SMAD9: variants seen among roughly 807,000 people sequenced by gnomAD.
The protein encoded by SMAD9 is MAD homolog 9.
A neutral mutation model predicts 46.1 loss-of-function variants in SMAD9; 36 were observed. The ratio of observed to expected loss-of-function variants is 0.78; its 90% confidence interval spans 0.60 to 1.03. The LOEUF is 1.03. Ranked by LOEUF, SMAD9 falls within the 50% of genes least tolerant of loss-of-function variation. The pLI, the probability that SMAD9 is intolerant of heterozygous loss-of-function variation, is 0.00. For synonymous variants in SMAD9, 245 were observed against 237.1 expected, an observed-to-expected ratio of 1.03 and a Z score of -0.31; for missense variants, 572 against 599.8, an observed-to-expected ratio of 0.95 and a Z score of 0.48.
intron 1 of SMAD9, among the ~76,000 whole-genome samples, chr13:36,900,216 G>A (rs2058562627): frequency 6.6e-6 from 1 of 152,152 alleles, no homozygotes; most frequent in African/African-American, 2.4e-5. Flanking sequence ...ACACATGGCT[G>A]CTGCCCTCAT....
rs542803204 is a variant in SMAD9 at position 36,916,969 on chromosome 13, C to T, written c.-187+3147G>A. On this transcript the variant is annotated intron_variant, in intron 1 of 6. Transcript: ENST00000379826. ...CTAGCATTTGCTATTTTAACTGCAG[C>T]ATAAAATAGGGAAAGACCGGGAAGA... Among the ~76,000 whole-genome samples the T allele has an allele frequency of 2.0e-5, 3 of 152,038 alleles. No homozygotes were observed. In the East Asian group the frequency reaches 5.8e-4, roughly 29 times the overall value.
At chr13:36,867,800 C>T (rs1324743671) in intron 3 of SMAD9, among the ~76,000 whole-genome samples, 1 of 152,102 alleles carries the variant, frequency 6.6e-6, no homozygotes, top group Non-Finnish European at 1.5e-5. Flanking sequence ...ACAATGGCCA[C>T]GGGGACGCTC....
At position 36,879,221 on chromosome 13, in the gene SMAD9, A is replaced by G. The variant is rs1360073747; in HGVS notation, c.412+57T>C. On this transcript the variant is annotated intron_variant, in intron 2 of 6. Coordinates refer to ENST00000379826, the MANE Select transcript of SMAD9 (RefSeq NM_001127217.3). ...GCTGGTGCCCCATCATTCTCCATCA[A>G]TGGGGCACACGACCTTCACTCTGAA... 14 of 1,459,678 alleles carry G rather than the reference A, an allele frequency of 9.6e-6. No individual in the cohort carries two copies. In the South Asian group the frequency reaches 1.1e-4, roughly 12 times the overall value. The allele number at this position is 1,459,678 out of a possible 1,614,324, so 90.4% of individuals were successfully genotyped here. A position where few individuals can be genotyped will look rare whatever the true frequency, so the allele number is the denominator to read the frequency against.
chr13:36,872,916 C>T lies in SMAD9; in HGVS notation c.413-1G>A, dbSNP rs753619705. 1.2e-6 allele frequency: 2 copies of T among 1,613,970 alleles called. No individual in the cohort carries two copies. The highest frequency in any genetic ancestry group is 2.7e-5 in the African/African-American group (2 of 74,920). ...CTTGGCACGAGCACAGGAGGCAGTA[C>T]TAGGATCAGAAAGGAACAAGGCAGT... On this transcript the variant is annotated splice_acceptor_variant, in intron 2 of 6. Transcript: ENST00000379826. LOFTEE classifies it high-confidence loss of function.
chr13:36,906,450 A>G (rs1054436707), intron 1 of SMAD9, among the ~76,000 whole-genome samples: 2 of 152,172 alleles, frequency 1.3e-5, no homozygotes, highest in African/African-American at 4.8e-5. Context: ...CATACTTCTG[A>G]TAAGGGATAC....
chr13:36,890,781 C>CT (rs2058482988), intron 1 of SMAD9, among the ~76,000 whole-genome samples: 1 of 151,980 alleles, frequency 6.6e-6, no homozygotes, highest in Admixed American at 6.6e-5. Flanking sequence ...CTCGTACCCT[C>CT]TCTCCCTTTC....
At position 36,865,754 on chromosome 13, in the gene SMAD9, A is replaced by G. The variant is rs1237646820; in HGVS notation, c.786T>C (p.Phe262=). Residue 262 remains phenylalanine, a synonymous_variant, in exon 5 of 7, where the codon TTT becomes TTC. Coordinates refer to ENST00000379826, the MANE Select transcript of SMAD9 (RefSeq NM_001127217.3). ...HVVLSIPNGD[F]RPVCYEEPQH... ...GGGGCTCCTCGTAACAAACTGGTCG[A>G]AAGTCTGGAAGAAAACAAACCAGAG... 6.2e-7 allele frequency: 1 copy of G among 1,613,740 alleles called. No homozygotes were observed.
intron 2 of SMAD9, among the ~76,000 whole-genome samples, chr13:36,877,682 C>T (rs911500078): frequency 6.6e-6 from 1 of 151,850 alleles, no homozygotes; most frequent in Non-Finnish European, 1.5e-5. Flanking sequence ...GAAAGCAACT[C>T]GCTCCAGGAT....
rs2058047100 is a variant in SMAD9, at chr13:36,847,966, GCATTTCAT to G, written c.*702_*709del. 6.6e-6 allele frequency: 1 copy of G among 152,238 alleles called. No individual in the cohort carries two copies. The highest frequency in any genetic ancestry group is 6.5e-5 in the Admixed American group (1 of 15,284). 9.4% of individuals were successfully genotyped at this position (152,238 alleles called of 1,614,324 possible). ...GTCTTATCTTGCAATCTGGGAAACA[GCATTTCAT>G]GCTATTTTCATATTTATTTTCCCAT... is the stretch of plus-strand genomic sequence containing the variant. On this transcript the variant is annotated 3_prime_UTR_variant, in exon 7 of 7. Transcript: ENST00000379826.
intron 3 of SMAD9, among the ~76,000 whole-genome samples, chr13:36,867,645 C>T (rs998925450): frequency 6.6e-6 from 1 of 152,156 alleles, no homozygotes; most frequent in Non-Finnish European, 1.5e-5. Context: ...CTAATGACTT[C>T]AGGGCAAGAC....
chr13:36,878,453 T>C (rs56083213), intron 2 of SMAD9, among the ~76,000 whole-genome samples: 4,245 of 152,266 alleles, frequency 0.028, 188 homozygotes, highest in African/African-American at 0.097. Context: ...AGCCTAACGG[T>C]GTAGCAGGCT....
At chr13:36,852,107 G>T in intron 6 of SMAD9, 1 of 974,632 alleles carries the variant, frequency 1.0e-6, no homozygotes, top group Non-Finnish European at 1.2e-6. Flanking sequence ...GAATGAAACT[G>T]CTTTGTCACC....
intron 1 of SMAD9, among the ~76,000 whole-genome samples, chr13:36,889,335 T>A (rs1314135829): frequency 1.3e-5 from 2 of 152,206 alleles, no homozygotes; most frequent in African/African-American, 4.8e-5. Flanking sequence ...GTTTCTTTCA[T>A]GCTCAAGATA....
intron 1 of SMAD9, among the ~76,000 whole-genome samples, chr13:36,893,015 T>C (rs1222091005): frequency 6.6e-6 from 1 of 152,170 alleles, no homozygotes; most frequent in Non-Finnish European, 1.5e-5. Context: ...TTGGTCTGGA[T>C]TGGCAAGTGT....
chr13:36,903,242 T>G (rs1032646407), intron 1 of SMAD9, among the ~76,000 whole-genome samples: 1 of 149,938 alleles, frequency 6.7e-6, no homozygotes, highest in South Asian at 2.2e-4. Flanking sequence ...TTCTCCTGCC[T>G]CAGGCTCCTG....
intron 1 of SMAD9, among the ~76,000 whole-genome samples, chr13:36,908,283 C>G (rs1471613097): frequency 6.6e-6 from 1 of 152,144 alleles, no homozygotes; most frequent in Admixed American, 6.5e-5. Context: ...TTGATTTTCT[C>G]AGAACAAGTT....
chr13:36,886,304 A>C (rs551284703), intron 1 of SMAD9, among the ~76,000 whole-genome samples: 1 of 152,366 alleles, frequency 6.6e-6, no homozygotes, highest in South Asian at 2.1e-4. Flanking sequence ...TCCCCTGACA[A>C]GGCGAGACGG....
chr13:36,859,937 G>A (rs1406568041), intron 5 of SMAD9, among the ~76,000 whole-genome samples: 1 of 150,834 alleles, frequency 6.6e-6, no homozygotes, highest in Admixed American at 6.6e-5. Flanking sequence ...TCCAGCCTGG[G>A]CAACAAGAGC....
intron 1 of SMAD9, among the ~76,000 whole-genome samples, chr13:36,894,339 C>G (rs1233223240): frequency 6.6e-6 from 1 of 152,074 alleles, no homozygotes; most frequent in Non-Finnish European, 1.5e-5. Context: ...TTTCCTCTTT[C>G]GCTTGGCTCT....
Sources: gnomAD v4.1 joint callset for allele counts (sites outside exome capture counted in the v4.1 genomes callset) on GRCh38, gnomAD v4.1.1 for gene constraint, MANE v1.5 for transcripts, NCBI Gene and HGNC (gene_info 2026-07-23, HGNC 2026-07-21) for gene names.